Variants in PCDH15 observed in about 807,000 individuals in gnomAD.
PCDH15 encodes the protein protocadherin-15.
PCDH15 carries 129 observed loss-of-function variants against 178.5 expected under a neutral mutation model. That is an observed-to-expected ratio of 0.72 (90% CI 0.63 to 0.84). The LOEUF is 0.84. Among genes scored for constraint, PCDH15 ranks in the 40% least tolerant of loss-of-function variants. PCDH15 has a pLI of 0.00. For missense variants in PCDH15, 2,230 were observed against 2,099.9 expected, an observed-to-expected ratio of 1.06 and a Z score of -1.21; for synonymous variants, 800 against 732.0, an observed-to-expected ratio of 1.09 and a Z score of -1.50.
intron 2 of PCDH15, among the ~76,000 whole-genome samples, chr10:55,162,612 C>T (rs1398165268): frequency 1.3e-5 from 2 of 152,144 alleles, no homozygotes; most frequent in Non-Finnish European, 2.9e-5. Flanking sequence ...TGATAATAGT[C>T]CTTCCCAGAA....
chr10:54,814,999 T>A (rs1952925549), intron 3 of PCDH15, among the ~76,000 whole-genome samples: 1 of 152,118 alleles, frequency 6.6e-6, no homozygotes, highest in South Asian at 2.1e-4. Context: ...GTCACCCAAA[T>A]CTAGTCAAAT....
At chr10:54,819,848 T>C (rs1953007586) in intron 3 of PCDH15, among the ~76,000 whole-genome samples, 2 of 152,080 alleles carry the variant, frequency 1.3e-5, no homozygotes, top group African/African-American at 4.8e-5. Flanking sequence ...TTATCTTCAT[T>C]ACTTCCTTCT....
intron 2 of PCDH15, among the ~76,000 whole-genome samples, chr10:55,029,915 A>G (rs1840566759): frequency 6.6e-6 from 1 of 152,156 alleles, no homozygotes; most frequent in Non-Finnish European, 1.5e-5. Context: ...AAGAAACTGA[A>G]CTTTCCTAAT....
intron 1 of PCDH15, among the ~76,000 whole-genome samples, chr10:55,240,685 TTA>T (rs1420569373): frequency 6.6e-6 from 1 of 152,238 alleles, no homozygotes; most frequent in Non-Finnish European, 1.5e-5. Flanking sequence ...ACTGATGTTT[TTA>T]TGACAGTTCA....
intron 1 of PCDH15, among the ~76,000 whole-genome samples, chr10:54,720,577 A>G (rs183001678): frequency 1.3e-5 from 2 of 152,098 alleles, no homozygotes; most frequent in Non-Finnish European, 2.9e-5. Flanking sequence ...ACAAATGAAG[A>G]TGAAATAGTC....
chr10:55,110,582 A>C (rs1837476440), intron 2 of PCDH15, among the ~76,000 whole-genome samples: 1 of 151,984 alleles, frequency 6.6e-6, no homozygotes, highest in Admixed American at 6.6e-5. Flanking sequence ...GTTCTAGAGT[A>C]ATTGTATCTA....
chr10:55,390,555 A>G (rs546447098), intron 2 of PCDH15, among the ~76,000 whole-genome samples: 3 of 152,304 alleles, frequency 2.0e-5, no homozygotes, highest in South Asian at 4.2e-4. Context: ...TCATGACTAT[A>G]CTTGATAGCA....
In PCDH15 at chr10:53,849,728, G is replaced by T. The variant is rs555358682; in HGVS notation, c.3806+7447C>A. 5.3e-5 allele frequency among the ~76,000 whole-genome samples: 8 copies of T among 151,694 alleles called. No homozygotes were observed. The East Asian group carries it at 1.4e-3, about 26-fold the overall frequency. ...AAATATAAAAAATTAGCCGGGCATGGTGGCGGGCACCTGTAGTCCCAGCAA... is the reference window on the plus strand; with the variant it reads ...AAATATAAAAAATTAGCCGGGCATGTTGGCGGGCACCTGTAGTCCCAGCAA... On this transcript the variant is annotated intron_variant, in intron 28 of 37. Transcript: ENST00000644397.
intron 18 of PCDH15, among the ~76,000 whole-genome samples, chr10:54,066,399 A>T (rs2094137710): frequency 6.6e-6 from 1 of 152,190 alleles, no homozygotes; most frequent in South Asian, 2.1e-4. Context: ...AATGTAATGA[A>T]TTCAAATCTA....
chr10:55,200,102 C>G (rs937778957), intron 1 of PCDH15, among the ~76,000 whole-genome samples: 1 of 152,046 alleles, frequency 6.6e-6, no homozygotes, highest in Non-Finnish European at 1.5e-5. Context: ...ATCCTCTAGA[C>G]TCAGAATGGT....
At chr10:54,506,323 T>C (rs2137588778) in intron 3 of PCDH15, among the ~76,000 whole-genome samples, 1 of 152,132 alleles carries the variant, frequency 6.6e-6, no homozygotes, top group African/African-American at 2.4e-5. Flanking sequence ...TTTAGGTGGA[T>C]AATTCAAAAG....
chr10:55,582,364 A>G (rs1028767194), intron 2 of PCDH15, among the ~76,000 whole-genome samples: 6 of 152,040 alleles, frequency 3.9e-5, no homozygotes, highest in African/African-American at 1.4e-4. Flanking sequence ...CGCCTTCCCC[A>G]ACAGAAACTG....
Position 54,158,889 on chromosome 10 carries a change from C to T in PCDH15, c.1591-5596G>A, listed in dbSNP as rs541788437. Among the ~76,000 whole-genome samples, 21 of 152,112 alleles carry T rather than the reference C, an allele frequency of 1.4e-4. No homozygotes were observed. The East Asian group carries it at 2.1e-3, about 16-fold the overall frequency. Reference sequence around the variant, plus strand: ...TTGGGAGGCTGAGGTGGGCAGATCACGAGGTCAGGAGTTTGAAATCATCCT... The same window carrying T: ...TTGGGAGGCTGAGGTGGGCAGATCATGAGGTCAGGAGTTTGAAATCATCCT... On this transcript the variant is annotated intron_variant, in intron 13 of 37. Transcript: ENST00000644397.
At chr10:55,568,066 T>C (rs1263341443) in intron 2 of PCDH15, among the ~76,000 whole-genome samples, 1 of 152,044 alleles carries the variant, frequency 6.6e-6, no homozygotes, top group Non-Finnish European at 1.5e-5. Context: ...ATTCCATTTC[T>C]AGGTATGTAC....
Position 53,805,556 on chromosome 10 carries a change from G to T in PCDH15, c.*1023C>A, listed in dbSNP as rs576236721. 1 of 151,982 alleles carries T rather than the reference G, an allele frequency of 6.6e-6. No homozygotes were observed. Among genetic ancestry groups the T allele is most frequent in the Non-Finnish European group, 1.5e-5 (1 of 67,984 alleles). 9.4% of individuals were successfully genotyped at this position (151,982 alleles called of 1,614,324 possible). ...CATTAAAATATTCTATAAATAACCT[G>T]AAAATGGAAGAAGTTAAACACAACA... On this transcript the variant is annotated 3_prime_UTR_variant, in exon 38 of 38. Coordinates refer to ENST00000644397, the MANE Select transcript of PCDH15 (RefSeq NM_001384140.1).
chr10:54,690,152 A>G (rs2095092769), intron 1 of PCDH15, among the ~76,000 whole-genome samples: 1 of 152,198 alleles, frequency 6.6e-6, no homozygotes, highest in Non-Finnish European at 1.5e-5. Flanking sequence ...TCATAACATT[A>G]TAACACAACG....
At chr10:54,229,507 T>C (rs1381615152) in intron 9 of PCDH15, among the ~76,000 whole-genome samples, 1 of 152,194 alleles carries the variant, frequency 6.6e-6, no homozygotes, top group Non-Finnish European at 1.5e-5. Flanking sequence ...TCTTGAATTG[T>C]AACTCCCACA....
intron 21 of PCDH15, among the ~76,000 whole-genome samples, chr10:53,991,113 G>A (rs563736585): frequency 5.9e-5 from 9 of 152,170 alleles, no homozygotes; most frequent in South Asian, 4.1e-4. Flanking sequence ...GGGCTCCCGC[G>A]CAGCCCGAGT....
At chr10:54,574,285 C>A (rs921241363) in intron 2 of PCDH15, among the ~76,000 whole-genome samples, 2 of 151,096 alleles carry the variant, frequency 1.3e-5, no homozygotes, top group Non-Finnish European at 2.9e-5. Context: ...AATAGGGAAT[C>A]CCTTCCCCAT....
Sources: allele counts gnomAD v4.1 joint callset (sites outside exome capture counted in the v4.1 genomes callset), GRCh38; gene constraint gnomAD v4.1.1; transcripts MANE v1.5; gene names NCBI Gene and HGNC (gene_info 2026-07-23, HGNC 2026-07-21).